ARV1: variants seen among roughly 807,000 people sequenced by gnomAD.
ARV1 encodes ARV1 fatty acid homeostasis modulator.
In ARV1, 26 loss-of-function variants were observed where a neutral mutation model predicts 31.1. The ratio of observed to expected loss-of-function variants is 0.84; its 90% confidence interval spans 0.61 to 1.16. The LOEUF (loss-of-function observed/expected upper bound fraction) is 1.16. ARV1 is among the 50% of genes most tolerant of loss of function. The probability of loss-of-function intolerance (pLI) is 0.00; values close to 1 mark genes in which losing one functional copy is unlikely to be tolerated. For missense variants in ARV1, 281 were observed against 324.9 expected (o/e 0.86, Z 1.04); for synonymous variants, 117 against 123.2 (o/e 0.95, Z 0.34).
chr1:230,980,529 G>A (rs1320969711), intron 1 of ARV1, among the ~76,000 whole-genome samples: 1 of 151,922 alleles, frequency 6.6e-6, no homozygotes, highest in Non-Finnish European at 1.5e-5. Context: ...TAGAGACCAG[G>A]TTTCACCATG....
intron 1 of ARV1, among the ~76,000 whole-genome samples, chr1:230,986,599 A>AACCCAATT (rs552293230): frequency 8.0e-4 from 121 of 150,998 alleles, no homozygotes; most frequent in African/African-American, 2.8e-3. Flanking sequence ...GATAGTATGG[A>AACCCAATT]ACCCAATTAC....
At position 230,990,097 on chromosome 1, in the gene ARV1, C is replaced by A. The variant is rs757442151; in HGVS notation, c.295-13C>A. On this transcript the variant is annotated splice_polypyrimidine_tract_variant and intron_variant, in intron 2 of 5. Transcript: ENST00000310256. ...TCCTTACCTAATTGAATGGCAATGT[C>A]TTTGACTATCAGATCCATGGAAAAC... 9.4e-6 allele frequency: 15 copies of A among 1,597,274 alleles called. No individual in the cohort carries two copies. In the East Asian group the frequency reaches 3.4e-4, roughly 36 times the overall value.
rs116769808 is a variant in ARV1, at chr1:230,982,964, C to T, written c.174+3685C>T. Among the ~76,000 whole-genome samples the T allele has an allele frequency of 2.6e-3, 399 of 152,200 alleles. 1 individual carries two copies. The highest frequency in any genetic ancestry group is 9.2e-3 in the African/African-American group (382 of 41,546). On this transcript the variant is annotated intron_variant, in intron 1 of 5. Coordinates refer to ENST00000310256, the MANE Select transcript of ARV1 (RefSeq NM_022786.3). Reference sequence around the variant, plus strand: ...GCCCACGTGTATTTTTCATCCCAATCTCCTTTCCTTTTGCTCTGCTTGTTT... The same window carrying T: ...GCCCACGTGTATTTTTCATCCCAATTTCCTTTCCTTTTGCTCTGCTTGTTT...
chr1:230,986,018 G>A (rs992476997), intron 1 of ARV1, among the ~76,000 whole-genome samples: 1 of 151,648 alleles, frequency 6.6e-6, no homozygotes, highest in African/African-American at 2.4e-5. Context: ...CTGGGTTCAC[G>A]CCCCATTCTC....
intron 1 of ARV1, among the ~76,000 whole-genome samples, chr1:230,981,090 G>A (rs972954578): frequency 1.3e-5 from 2 of 152,094 alleles, no homozygotes; most frequent in Admixed American, 6.5e-5. Context: ...TCTTCTTATT[G>A]TCTTCTTACT....
intron 5 of ARV1, among the ~76,000 whole-genome samples, chr1:230,998,565 T>C (rs566619690): frequency 4.6e-5 from 7 of 152,160 alleles, no homozygotes; most frequent in Non-Finnish European, 8.8e-5. Flanking sequence ...CTTTCCTCTT[T>C]GTAAAACATA....
In ARV1 at chr1:230,979,199, T is replaced by C. The variant is rs34745784; in HGVS notation, c.94T>C (p.Tyr32His). The C allele has an allele frequency of 1.7e-3, 2,755 of 1,613,546 alleles. 44 individuals are homozygous for C. The African/African-American group carries it at 0.032, about 19-fold the overall frequency. Residue 32 changes from tyrosine to histidine, a missense_variant, in exon 1 of 6, where the codon TAC becomes CAC. By Grantham distance (83) the Tyr-to-His change is moderately conservative. Transcript: ENST00000310256. ...TACTGCTGCCTCGGCCTCCTGCCAGTACAGGTGCATCGAATGCAACCAGGA... is the reference window on the plus strand; with the variant it reads ...TACTGCTGCCTCGGCCTCCTGCCAGCACAGGTGCATCGAATGCAACCAGGA... ...TPTAASASCQ[Y>H]RCIECNQEAK...
At chr1:230,999,974 A>C (rs570388855) in intron 5 of ARV1, 164 bp from the exon 6 acceptor site, 1 of 152,052 alleles carries the variant, frequency 6.6e-6, no homozygotes, top group South Asian at 2.1e-4. Flanking sequence ...TTAAAATTTC[A>C]TGTGTTTATG....
intron 1 of ARV1, among the ~76,000 whole-genome samples, chr1:230,985,790 A>G (rs113356991): frequency 6.6e-6 from 1 of 152,204 alleles, no homozygotes; most frequent in Non-Finnish European, 1.5e-5. Context: ...AGGGAGACCT[A>G]TCAAACAGCT....
intron 5 of ARV1, among the ~76,000 whole-genome samples, chr1:230,999,110 T>C (rs1679455811): frequency 1.3e-5 from 2 of 152,168 alleles, no homozygotes. Context: ...CCCTTCACTG[T>C]GCACGTAACT....
chr1:230,986,668 A>T (rs7543423), intron 1 of ARV1, among the ~76,000 whole-genome samples: 13,324 of 62,300 alleles, frequency 0.21, 1,712 homozygotes, highest in East Asian at 0.49. Flanking sequence ...TACTTTTCCT[A>T]TTTTTTTTTT....
At chr1:230,987,930 T>C (rs1449932351) in intron 1 of ARV1, among the ~76,000 whole-genome samples, 1 of 152,212 alleles carries the variant, frequency 6.6e-6, no homozygotes, top group Non-Finnish European at 1.5e-5. Context: ...CAACAATTTA[T>C]CAATGAAAGT....
chr1:230,980,297 C>CT (rs1183509379), intron 1 of ARV1, among the ~76,000 whole-genome samples: 1 of 151,858 alleles, frequency 6.6e-6, no homozygotes, highest in Non-Finnish European at 1.5e-5. Flanking sequence ...TCATATAGGC[C>CT]TTTCATGATT....
chr1:230,998,419 A>T lies in ARV1; in HGVS notation c.*4+1152A>T, dbSNP rs112580086. Among the ~76,000 whole-genome samples, 930 of 151,964 alleles carry T rather than the reference A, an allele frequency of 6.1e-3. 7 individuals carry two copies. Among genetic ancestry groups the T allele is most frequent in the African/African-American group, 0.021 (871 of 41,418 alleles). ...ATCTCTCTTCATGCCCAGCTAATCC[A>T]CCTTTTTGGGTCTTCAGACATATCG... On this transcript the variant is annotated intron_variant, in intron 5 of 5. Transcript: ENST00000310256.
chr1:230,997,435 G>T (rs1023019854), intron 5 of ARV1, among the ~76,000 whole-genome samples, 168 bp downstream of exon 5: 22 of 152,134 alleles, frequency 1.4e-4, no homozygotes, highest in African/African-American at 4.6e-4. Flanking sequence ...GCCCCCAGGG[G>T]TCTTCACTTT....
At chr1:230,997,404 C>T (rs1364677894) in intron 5 of ARV1, 137 bp downstream of exon 5, 1 of 1,036,924 alleles carries the variant, frequency 9.6e-7, no homozygotes, top group Admixed American at 2.4e-5. Flanking sequence ...CCCTCATCTT[C>T]CTCAAGGACT....
intron 4 of ARV1, 151 bp from the exon 5 acceptor site, chr1:230,996,970 A>C: frequency 1.1e-6 from 1 of 889,376 alleles, no homozygotes; most frequent in Non-Finnish European, 1.6e-6. Flanking sequence ...GTGTAGATGG[A>C]AAAGTGGGAG....
intron 3 of ARV1, chr1:230,990,693 C>A (rs1679207342): frequency 2.9e-6 from 1 of 340,580 alleles, no homozygotes; most frequent in Non-Finnish European, 5.9e-6. Context: ...GTAGCTGGAA[C>A]CACAGGTATG....
intron 4 of ARV1, 58 bp from the exon 5 acceptor site, chr1:230,997,063 T>G (rs545281824): frequency 1.1e-4 from 168 of 1,574,802 alleles, no homozygotes; most frequent in Middle Eastern, 5.1e-4. Context: ...ACCCGAAAAT[T>G]TACATGTCAA....
Sources: allele counts gnomAD v4.1 joint callset (sites outside exome capture counted in the v4.1 genomes callset), GRCh38; gene constraint gnomAD v4.1.1; transcripts MANE v1.5; gene names NCBI Gene and HGNC (gene_info 2026-07-23, HGNC 2026-07-21).